The following TRAPPC9 variants were observed in gnomAD, a reference collection of about 807,000 sequenced individuals.
TRAPPC9 encodes IKK2 binding protein.
A neutral mutation model predicts 124.0 loss-of-function variants in TRAPPC9; 83 were observed. The observed-to-expected ratio is 0.67, with a 90% CI of 0.56 to 0.80. The LOEUF (loss-of-function observed/expected upper bound fraction) is 0.80. Among genes scored for constraint, TRAPPC9 ranks in the 30% least tolerant of loss-of-function variants. The pLI is 0.00. For missense variants in TRAPPC9, 1,302 were observed against 1,508.3 expected, an observed-to-expected ratio of 0.86 and a Z score of 2.27; for synonymous variants, 638 against 617.5, an observed-to-expected ratio of 1.03 and a Z score of -0.49.
At chr8:140,207,089 C>T (rs2062941111) in intron 17 of TRAPPC9, among the ~76,000 whole-genome samples, 1 of 152,224 alleles carries the variant, frequency 6.6e-6, no homozygotes, top group Admixed American at 6.5e-5. Flanking sequence ...TGCGTCTCTT[C>T]AGCTCTCAGG....
intron 19 of TRAPPC9, among the ~76,000 whole-genome samples, chr8:139,982,347 G>C (rs898808): frequency 0.27 from 40,843 of 152,016 alleles, 6,205 homozygotes; most frequent in East Asian, 0.42. Context: ...CCCAGTTCCA[G>C]CTCCAACTGA....
rs577445069 is a variant in TRAPPC9 at position 139,994,304 on chromosome 8, C to T, written c.2700-5468G>A. The stretch of plus-strand genomic sequence containing the variant: ...CTCAATCATCGTCCTTCTGTGGAGC[C>T]GAGAGGATTGCGCTTCACACTGTGC... On this transcript the variant is annotated intron_variant, in intron 18 of 22. Transcript: ENST00000438773. Among the ~76,000 whole-genome samples, 280 of 152,326 alleles carry T rather than the reference C, an allele frequency of 1.8e-3. 1 individual carries two copies. The highest frequency in any genetic ancestry group is 6.3e-3 in the African/African-American group (263 of 41,572).
At chr8:140,060,750 AT>A (rs1842562046) in intron 17 of TRAPPC9, among the ~76,000 whole-genome samples, 1 of 152,098 alleles carries the variant, frequency 6.6e-6, no homozygotes, top group Non-Finnish European at 1.5e-5. Flanking sequence ...ATTTTTGTCT[AT>A]TATCTGACGA....
intron 17 of TRAPPC9, among the ~76,000 whole-genome samples, chr8:140,163,413 G>A (rs1297114257): frequency 3.9e-5 from 6 of 152,242 alleles, no homozygotes; most frequent in African/African-American, 1.4e-4. Flanking sequence ...CGGACATGGA[G>A]CAGAGATTCT....
intron 5 of TRAPPC9, among the ~76,000 whole-genome samples, chr8:140,412,784 A>C (rs2069753616): frequency 6.6e-6 from 1 of 152,216 alleles, no homozygotes; most frequent in Non-Finnish European, 1.5e-5. Flanking sequence ...CAGTAAACTC[A>C]TTAAGCTACA....
At chr8:140,326,241 A>G (rs2066734474) in intron 9 of TRAPPC9, among the ~76,000 whole-genome samples, 1 of 147,592 alleles carries the variant, frequency 6.8e-6, no homozygotes, top group Non-Finnish European at 1.5e-5. Flanking sequence ...AAAAAAAAAG[A>G]AGAAGAAGTT....
chr8:140,117,556 A>C (rs541397155), intron 17 of TRAPPC9, among the ~76,000 whole-genome samples: 3 of 152,340 alleles, frequency 2.0e-5, no homozygotes, highest in African/African-American at 7.2e-5. Flanking sequence ...TTATGAAAGC[A>C]TTATGCCCAC....
intron 7 of TRAPPC9, among the ~76,000 whole-genome samples, chr8:140,386,587 T>A (rs35975226): frequency 0.011 from 1,712 of 151,998 alleles, 6 homozygotes; most frequent in Non-Finnish European, 0.018. Flanking sequence ...GAGAATAAAA[T>A]ACCTAGGAAT....
At chr8:139,933,321 A>G (rs929307258) in intron 19 of TRAPPC9, 1 of 152,278 alleles carries the variant, frequency 6.6e-6, no homozygotes, top group African/African-American at 2.4e-5. Context: ...ATCAATGAGT[A>G]TGGAAACTAC....
At chr8:140,264,903 G>A (rs749555810) in intron 15 of TRAPPC9, among the ~76,000 whole-genome samples, 6 of 152,024 alleles carry the variant, frequency 3.9e-5, no homozygotes, top group Admixed American at 1.3e-4. Context: ...CGTGAGAGAG[G>A]GACTGGATCC....
At chr8:139,768,446 C>T (rs959591733) in intron 21 of TRAPPC9, among the ~76,000 whole-genome samples, 2 of 152,224 alleles carry the variant, frequency 1.3e-5, no homozygotes, top group Non-Finnish European at 2.9e-5. Flanking sequence ...GCCACACCGA[C>T]TGCGCTGGCC....
intron 17 of TRAPPC9, among the ~76,000 whole-genome samples, chr8:140,150,657 G>A (rs1296159414): frequency 1.3e-5 from 2 of 152,146 alleles, no homozygotes; most frequent in Admixed American, 6.5e-5. Flanking sequence ...AAAGGAAGGT[G>A]TAAAGATCAC....
In TRAPPC9 at chr8:139,776,031, C is replaced by T. The variant is rs980449436; in HGVS notation, c.3056-43829G>A. Among the ~76,000 whole-genome samples the T allele has an allele frequency of 6.6e-6, 1 of 152,222 alleles. No homozygotes were observed. Among genetic ancestry groups the T allele is most frequent in the African/African-American group, 2.4e-5 (1 of 41,460 alleles). ...AGCTTCTGTTGCTTCTGGCTCTGAG[C>T]TGTCTTCCTCCTCTCACCAGGCACC... On this transcript the variant is annotated intron_variant, in intron 21 of 22. Coordinates refer to ENST00000438773, the MANE Select transcript of TRAPPC9 (RefSeq NM_001160372.4). The surrounding 1 kb of genome is among the most constrained non-coding windows in gnomAD (Gnocchi z 4.1).
At chr8:140,294,860 C>T (rs563058657) in intron 11 of TRAPPC9, among the ~76,000 whole-genome samples, 11 of 152,268 alleles carry the variant, frequency 7.2e-5, no homozygotes, top group African/African-American at 1.9e-4. Context: ...ATCCCCCCCA[C>T]CTTGGCCTCC....
intron 21 of TRAPPC9, among the ~76,000 whole-genome samples, chr8:139,821,585 G>A (rs909210332): frequency 5.9e-5 from 9 of 152,390 alleles, no homozygotes; most frequent in East Asian, 3.9e-4. Flanking sequence ...GGGCTTCTCC[G>A]AAGGATGGGA....
chr8:139,911,653 C>T (rs143692847), intron 19 of TRAPPC9, among the ~76,000 whole-genome samples: 66 of 151,552 alleles, frequency 4.4e-4, no homozygotes, highest in African/African-American at 1.4e-3. Context: ...TGCAGTGAGC[C>T]GAGATTGTGC....
At chr8:139,999,594 C>T (rs1838259664) in intron 18 of TRAPPC9, among the ~76,000 whole-genome samples, 1 of 151,850 alleles carries the variant, frequency 6.6e-6, no homozygotes, top group African/African-American at 2.4e-5. Context: ...GTGAACACTC[C>T]ACCCACCAAG....
At chr8:139,921,303 T>C (rs990442704) in intron 19 of TRAPPC9, among the ~76,000 whole-genome samples, 2 of 152,214 alleles carry the variant, frequency 1.3e-5, no homozygotes, top group Non-Finnish European at 2.9e-5. Flanking sequence ...CAAATCACAC[T>C]GGGTTTGGTT....
intron 21 of TRAPPC9, among the ~76,000 whole-genome samples, chr8:139,803,795 G>T (rs1434122295): frequency 6.6e-6 from 1 of 152,188 alleles, no homozygotes; most frequent in Non-Finnish European, 1.5e-5. Context: ...TCTTTTCTCA[G>T]AATCTGCTGC....
Sources: gnomAD v4.1 joint callset for allele counts (sites outside exome capture counted in the v4.1 genomes callset) on GRCh38, gnomAD v4.1.1 for gene constraint, Gnocchi (gnomAD v3.1) non-coding constraint, MANE v1.5 for transcripts, NCBI Gene and HGNC (gene_info 2026-07-23, HGNC 2026-07-21) for gene names.